Variants in RNF130 observed in about 807,000 individuals in gnomAD.
The protein encoded by RNF130 is ring finger protein 130.
RNF130 carries 21 observed loss-of-function variants against 44.6 expected under a neutral mutation model. The observed-to-expected ratio is 0.47, with a 90% CI of 0.33 to 0.68. The LOEUF is 0.68. Ranked by LOEUF, RNF130 falls within the 30% of genes least tolerant of loss-of-function variation. The pLI, the probability that RNF130 is intolerant of heterozygous loss-of-function variation, is 0.02. For missense variants in RNF130, 479 were observed against 560.6 expected (o/e 0.85, Z 1.47); for synonymous variants, 214 against 210.4 (o/e 1.02, Z -0.15).
chr5:180,066,084 G>A (rs1369533523), intron 1 of RNF130, among the ~76,000 whole-genome samples: 6 of 152,062 alleles, frequency 3.9e-5, no homozygotes, highest in African/African-American at 1.5e-4. Context: ...ACATACACAC[G>A]CCCTCTGATA....
chr5:179,925,011 G>C (rs761502041), intron 7 of RNF130, among the ~76,000 whole-genome samples: 1 of 152,154 alleles, frequency 6.6e-6, no homozygotes, highest in Non-Finnish European at 1.5e-5. Context: ...CCTCTCTTCA[G>C]GATGAATTAA....
chr5:180,021,094 T>C (rs1763861823), intron 2 of RNF130, among the ~76,000 whole-genome samples: 1 of 151,758 alleles, frequency 6.6e-6, no homozygotes, highest in South Asian at 2.1e-4. Context: ...GCCTTCCAAG[T>C]AGCTGCAATG....
At chr5:180,005,034 T>C (rs562447450) in intron 3 of RNF130, among the ~76,000 whole-genome samples, 78 of 152,196 alleles carry the variant, frequency 5.1e-4, no homozygotes, top group Non-Finnish European at 1.1e-3. Context: ...ATTTTATTAA[T>C]ATCATCTTCC....
chr5:180,040,624 G>A lies in RNF130; in HGVS notation c.271C>T (p.Pro91Ser), dbSNP rs1194414620. The A allele has an allele frequency of 3.7e-6, 6 of 1,613,910 alleles. No individual in the cohort carries two copies. The highest frequency in any genetic ancestry group is 1.7e-4 in the Middle Eastern group (1 of 6,060). The part of the protein sequence containing the change: ...HGVADHLGCD[P>S]QTRFFVPPNI... ...GGAGGGACAAAGAACCGGGTTTGTGGATCACAGCCCAGATGATCAGCAACT... is the reference window on the plus strand; with the variant it reads ...GGAGGGACAAAGAACCGGGTTTGTGAATCACAGCCCAGATGATCAGCAACT... The change falls in exon 2 of 9, where the codon CCA becomes TCA. Residue 91 changes from proline (P) to serine (S), a missense_variant. Physicochemically the swap from Pro to Ser is moderately conservative, Grantham distance 74. Around this residue, in one of 3 missense-constraint regions of RNF130, gnomAD observed 180 missense variants for 275.1 expected, o/e 0.65. Transcript: ENST00000521389.
chr5:179,966,077 G>A (rs572370909), intron 7 of RNF130, among the ~76,000 whole-genome samples: 46 of 152,206 alleles, frequency 3.0e-4, no homozygotes, highest in Non-Finnish European at 5.9e-4. Flanking sequence ...GAAGAGAAGA[G>A]CTGGCTTGTT....
At chr5:180,071,309 G>A (rs373793345) in intron 1 of RNF130, 147 bp downstream of exon 1, 35 of 712,898 alleles carry the variant, frequency 4.9e-5, no homozygotes, top group East Asian at 2.8e-4. Flanking sequence ...AGGCCGGGCT[G>A]TCCACGACGG....
rs536683021 is a variant in RNF130 at position 179,980,428 on chromosome 5, G to C, written c.694-228C>G. 3 of 471,512 alleles carry C rather than the reference G, an allele frequency of 6.4e-6. No individual in the cohort carries two copies. The South Asian group carries it at 7.9e-5, about 12-fold the overall frequency. 29.2% of individuals were successfully genotyped at this position (471,512 alleles called of 1,614,324 possible). A position where few individuals can be genotyped will look rare whatever the true frequency, so the allele number is the denominator to read the frequency against. On this transcript the variant is annotated intron_variant, in intron 3 of 8. Coordinates refer to ENST00000521389, the MANE Select transcript of RNF130 (RefSeq NM_018434.6). The stretch of plus-strand genomic sequence containing the variant: ...CCCTGTTAGGTCAAACAGAAATATA[G>C]AACTATAGGTCTTCAATTCTCCAGC...
rs141491958 is a variant in RNF130 at position 179,987,945 on chromosome 5, G to A, written c.694-7745C>T. 2.8e-3 allele frequency among the ~76,000 whole-genome samples: 431 copies of A among 152,298 alleles called. 1 individual carries two copies. The highest frequency in any genetic ancestry group is 5.6e-3 in the Admixed American group (85 of 15,306). On this transcript the variant is annotated intron_variant, in intron 3 of 8. Transcript: ENST00000521389. ...CATTTTCTTATTTCGTTGTGCCCTT[G>A]TCTGGTTTTAATATTGGAATAATTT...
intron 2 of RNF130, among the ~76,000 whole-genome samples, chr5:180,034,940 CTTT>C (rs1764213115): frequency 2.6e-5 from 4 of 152,128 alleles, no homozygotes; most frequent in Admixed American, 2.6e-4. Flanking sequence ...AAACTGTCTT[CTTT>C]TTTATTGTTG....
At chr5:179,961,611 G>A (rs192022649) in intron 8 of RNF130, among the ~76,000 whole-genome samples, 27 of 152,262 alleles carry the variant, frequency 1.8e-4, no homozygotes, top group African/African-American at 6.0e-4. Context: ...AAAGTGCCTA[G>A]TGTAATTATT....
At chr5:179,993,867 T>C (rs1309119352) in intron 3 of RNF130, among the ~76,000 whole-genome samples, 1 of 152,242 alleles carries the variant, frequency 6.6e-6, no homozygotes, top group African/African-American at 2.4e-5. Flanking sequence ...AAGTCTAACA[T>C]TTAAGTCTTT....
Position 179,937,054 on chromosome 5 carries a change from C to G in RNF130, c.1151-16628G>C, listed in dbSNP as rs531644106. Among the ~76,000 whole-genome samples, 8 of 152,054 alleles carry G rather than the reference C, an allele frequency of 5.3e-5. No individual in the cohort carries two copies. The South Asian group carries it at 1.7e-3, about 32-fold the overall frequency. On this transcript the variant is annotated intron_variant, in intron 7 of 7. Coordinates refer to the RNF130 transcript ENST00000522208. ...TGTCAATGGTTTCTTAGCTTTGACA[C>G]CTAAAGCATAAGCAACCAATGAAAA... is the stretch of plus-strand genomic sequence containing the variant.
chr5:179,937,505 T>C (rs1471358314), intron 7 of RNF130, among the ~76,000 whole-genome samples: 1 of 152,202 alleles, frequency 6.6e-6, no homozygotes, highest in Non-Finnish European at 1.5e-5. Context: ...TGAAATGCCA[T>C]TCACACTCAT....
At chr5:179,939,951 CCT>C in intron 7 of RNF130, 1 of 216,676 alleles carries the variant, frequency 4.6e-6, no homozygotes, top group Non-Finnish European at 9.3e-6. Flanking sequence ...CATAAACGTC[CCT>C]TTTTTTTTTT....
In RNF130 at chr5:179,963,563, T is replaced by G; in HGVS notation, c.1152A>C (p.Lys384Asn). The part of the protein sequence containing the change: ...RTGEINIAVT[K>N]EWFIIASFGL... ...CAAAACTGGCAATAATAAACCATTC[T>G]TCTGTTGACAAAGGAAAGGGAGGAA... Residue 384 changes from lysine to asparagine, a missense_variant and splice_region_variant, in exon 8 of 9, where the codon AAA becomes AAC. Lys to Asn is a moderately conservative substitution (Grantham distance 94). Transcript: ENST00000521389. 1 of 1,608,624 alleles carries G rather than the reference T, an allele frequency of 6.2e-7. No individual in the cohort carries two copies.
chr5:180,051,192 G>T (rs1436256113), intron 1 of RNF130, among the ~76,000 whole-genome samples: 2 of 151,634 alleles, frequency 1.3e-5, no homozygotes, highest in Admixed American at 1.3e-4. Context: ...TAAATAAAAA[G>T]GTGATACATT....
chr5:180,027,392 T>G (rs1764015823), intron 2 of RNF130, among the ~76,000 whole-genome samples: 1 of 152,122 alleles, frequency 6.6e-6, no homozygotes, highest in African/African-American at 2.4e-5. Flanking sequence ...TCTCTGAGTA[T>G]AAGCAGAAAC....
At chr5:179,978,086 C>T in intron 5 of RNF130, 117 bp downstream of exon 5, 2 of 817,374 alleles carry the variant, frequency 2.4e-6, no homozygotes. Context: ...GCGGACTTGG[C>T]CTCCAGAAAG....
chr5:179,985,153 CTTTT>C (rs34998254), intron 3 of RNF130, among the ~76,000 whole-genome samples: 7 of 91,978 alleles, frequency 7.6e-5, no homozygotes, highest in African/African-American at 2.6e-4. Flanking sequence ...TACCCCCTAA[CTTTT>C]TTTTTTTTTT....
Sources: allele counts gnomAD v4.1 joint callset (sites outside exome capture counted in the v4.1 genomes callset), GRCh38; gene constraint gnomAD v4.1.1; regional missense constraint gnomAD v4.1.1; transcripts MANE v1.5; gene names NCBI Gene and HGNC (gene_info 2026-07-23, HGNC 2026-07-21).